Variants in GPBP1L1 observed in about 807,000 individuals in gnomAD.
GPBP1L1 encodes GC-rich promoter binding protein 1 like 1.
Under a neutral mutation model 52.5 loss-of-function variants are expected in GPBP1L1, and 23 were observed. That is an observed-to-expected ratio of 0.44 (90% CI 0.32 to 0.62). The LOEUF (loss-of-function observed/expected upper bound fraction) is 0.62, where lower values mean the gene tolerates loss of function less well. GPBP1L1 is among the 20% of genes least tolerant of loss of function. GPBP1L1 has a pLI of 0.06. For missense variants in GPBP1L1, 596 were observed against 579.3 expected, an observed-to-expected ratio of 1.03 and a Z score of -0.30; for synonymous variants, 243 against 203.1, an observed-to-expected ratio of 1.20 and a Z score of -1.67.
chr1:45,643,449 T>G (rs1644700060), intron 6 of GPBP1L1, among the ~76,000 whole-genome samples: 1 of 152,118 alleles, frequency 6.6e-6, no homozygotes, highest in Non-Finnish European at 1.5e-5. Context: ...GCTTAAAGGA[T>G]GGATCTGAGG....
At chr1:45,636,188 T>C (rs935490642) in intron 8 of GPBP1L1, among the ~76,000 whole-genome samples, 3 of 152,198 alleles carry the variant, frequency 2.0e-5, no homozygotes, top group African/African-American at 7.2e-5. Flanking sequence ...TTGCTCATTA[T>C]GAATATTTTC....
At chr1:45,658,819 G>A in intron 4 of GPBP1L1, 2 of 536,740 alleles carry the variant, frequency 3.7e-6, no homozygotes, top group Non-Finnish European at 6.6e-6. Flanking sequence ...TACACAGCCT[G>A]TAGGCCCAGC....
At chr1:45,674,829 T>C (rs142793808) in intron 2 of GPBP1L1, among the ~76,000 whole-genome samples, 211 of 152,318 alleles carry the variant, frequency 1.4e-3, no homozygotes, top group African/African-American at 4.4e-3. Flanking sequence ...GTTAGGCATA[T>C]TAAGTGCATT....
chr1:45,680,669 C>T (rs1217662408), intron 2 of GPBP1L1, among the ~76,000 whole-genome samples: 2 of 152,118 alleles, frequency 1.3e-5, no homozygotes, highest in African/African-American at 2.4e-5. Context: ...CTAGATGGCT[C>T]TGTCACACAC....
intron 7 of GPBP1L1, among the ~76,000 whole-genome samples, chr1:45,641,225 G>C (rs1231399812): frequency 2.0e-5 from 3 of 152,062 alleles, no homozygotes; most frequent in East Asian, 1.9e-4. Context: ...CCATCATTTA[G>C]ATATGTTAAA....
chr1:45,683,070 T>A (rs1174123322), intron 2 of GPBP1L1, among the ~76,000 whole-genome samples: 2 of 149,790 alleles, frequency 1.3e-5, no homozygotes, highest in East Asian at 3.9e-4. Flanking sequence ...TTTTTTTTTT[T>A]AGTTGGAATC....
chr1:45,664,867 T>TA (rs1191497799), intron 2 of GPBP1L1, among the ~76,000 whole-genome samples: 3 of 152,016 alleles, frequency 2.0e-5, no homozygotes, highest in Non-Finnish European at 4.4e-5. Flanking sequence ...TTAGCAGAGA[T>TA]AGAGTTTCGC....
intron 8 of GPBP1L1, among the ~76,000 whole-genome samples, chr1:45,636,257 T>C (rs1182645485): frequency 6.6e-6 from 1 of 152,186 alleles, no homozygotes; most frequent in Non-Finnish European, 1.5e-5. Context: ...CAGTTCTCTC[T>C]TTACCTCTTG....
intron 6 of GPBP1L1, chr1:45,645,871 T>C: frequency 5.9e-6 from 3 of 508,366 alleles, no homozygotes; most frequent in South Asian, 4.4e-5. Flanking sequence ...TGCTTCTTCA[T>C]GGTCCATGAT....
At chr1:45,629,533 C>T (rs1350275547) in intron 12 of GPBP1L1, 43 bp downstream of exon 12, 7 of 989,924 alleles carry the variant, frequency 7.1e-6, no homozygotes, top group Non-Finnish European at 1.0e-5. Flanking sequence ...TCCTTATTCT[C>T]CTGGTTACTA....
intron 2 of GPBP1L1, among the ~76,000 whole-genome samples, chr1:45,683,465 A>G (rs1164084405): frequency 6.6e-6 from 1 of 150,536 alleles, no homozygotes; most frequent in African/African-American, 2.4e-5. Context: ...TCGGCCTCCC[A>G]AAGTGCTGGG....
chr1:45,651,096 G>A, intron 6 of GPBP1L1: 1 of 504,362 alleles, frequency 2.0e-6, no homozygotes, highest in Non-Finnish European at 3.9e-6. Context: ...TCACAGACTT[G>A]GGACCCAGGA....
Position 45,655,287 on chromosome 1 carries a change from C to G in GPBP1L1, c.93G>C (p.Glu31Asp), listed in dbSNP as rs901105792. 1.2e-6 allele frequency: 2 copies of G among 1,613,868 alleles called. No homozygotes were observed. The highest frequency in any genetic ancestry group is 1.7e-6 in the Non-Finnish European group (2 of 1,179,886). Reference protein sequence around the residue: ...SPTATFEKHGEHLPRGEGRFG... With the variant: ...SPTATFEKHGDHLPRGEGRFG... The stretch of plus-strand genomic sequence containing the variant: ...ATCTACCTTCTCCTCTGGGTAGGTG[C>G]TCTCCGTGTTTTTCGAAGGTGGCAG... The change falls in exon 5 of 13, where the codon GAG becomes GAC. Residue 31 changes from glutamate (E) to aspartate (D), a missense_variant. By Grantham distance (45) the Glu-to-Asp change is conservative (BLOSUM62 2). Transcript: ENST00000355105.
intron 6 of GPBP1L1, among the ~76,000 whole-genome samples, chr1:45,653,392 G>A (rs911532321): frequency 7.2e-5 from 11 of 152,030 alleles, no homozygotes; most frequent in African/African-American, 2.7e-4. Context: ...AAATTAGCTG[G>A]GCGTGGTGGC....
At chr1:45,640,957 G>A (rs1644663884) in intron 7 of GPBP1L1, among the ~76,000 whole-genome samples, 2 of 152,092 alleles carry the variant, frequency 1.3e-5, no homozygotes, top group Admixed American at 1.3e-4. Flanking sequence ...CGAGGCTGCA[G>A]CGAGCCATGA....
In GPBP1L1 at chr1:45,627,735, C is replaced by A. The variant is rs4180; in HGVS notation, c.*521G>T. The stretch of plus-strand genomic sequence containing the variant: ...CCAAAAAGGAAAAAGAAAAAAAAAA[C>A]AAAAAAAAACAACCAAAAAAACCCA... On this transcript the variant is annotated 3_prime_UTR_variant, in exon 13 of 13. Coordinates refer to ENST00000355105, the MANE Select transcript of GPBP1L1 (RefSeq NM_021639.5). The A allele has an allele frequency of 0.01, 1,253 of 119,484 alleles. 8 individuals carry two copies. The highest frequency in any genetic ancestry group is 0.018 in the South Asian group (64 of 3,504). The allele number at this position is 119,484 out of a possible 1,614,324, so 7.4% of individuals were successfully genotyped here.
At chr1:45,633,999 C>A in intron 9 of GPBP1L1, 97 bp downstream of exon 9, 6 of 1,280,426 alleles carry the variant, frequency 4.7e-6, no homozygotes, top group Non-Finnish European at 6.5e-6. Flanking sequence ...AATATAGCTA[C>A]AAAACAAGTG....
intron 1 of GPBP1L1, among the ~76,000 whole-genome samples, chr1:45,685,995 T>C (rs564007581): frequency 1.1e-4 from 16 of 152,270 alleles, no homozygotes; most frequent in African/African-American, 3.9e-4. Flanking sequence ...TTTTTCCTCC[T>C]TAGGTTTTCC....
At chr1:45,681,179 C>G (rs945254530) in intron 2 of GPBP1L1, among the ~76,000 whole-genome samples, 1 of 152,098 alleles carries the variant, frequency 6.6e-6, no homozygotes, top group Non-Finnish European at 1.5e-5. Flanking sequence ...TCTATGTTGC[C>G]CAACAGAGAA....
Sources: allele counts gnomAD v4.1 joint callset (sites outside exome capture counted in the v4.1 genomes callset), GRCh38; gene constraint gnomAD v4.1.1; transcripts MANE v1.5; gene names NCBI Gene and HGNC (gene_info 2026-07-23, HGNC 2026-07-21).